The following TEX11 variants were observed in gnomAD, a reference collection of about 807,000 sequenced individuals.
TEX11 encodes testis expressed 11, also known as testis-expressed protein 11.
In TEX11, 7 loss-of-function variants were observed where a neutral mutation model predicts 84.4. The observed-to-expected ratio is 0.08, with a 90% CI of 0.05 to 0.16. The LOEUF is 0.16. TEX11 is among the 10% of genes least tolerant of loss of function. The probability of loss-of-function intolerance (pLI) is 1.00; values close to 1 mark genes in which losing one functional copy is unlikely to be tolerated. For missense variants in TEX11, 551 were observed against 660.5 expected, an observed-to-expected ratio of 0.83 and a Z score of 1.82; for synonymous variants, 264 against 222.8, an observed-to-expected ratio of 1.18 and a Z score of -1.64.
intron 9 of TEX11, among the ~76,000 whole-genome samples, chrX:70,766,815 A>G (rs2090943782): frequency 8.9e-6 from 1 of 111,763 alleles, no homozygotes; most frequent in Admixed American, 9.5e-5. Flanking sequence ...GATCCCAGAA[A>G]CAAATCCACA....
chrX:70,653,456 C>T (rs1399972016), intron 16 of TEX11, among the ~76,000 whole-genome samples: 1 of 112,086 alleles, frequency 8.9e-6, no homozygotes, highest in Non-Finnish European at 1.9e-5. Context: ...CATCTTATGT[C>T]ATTAGGGTTT....
intron 9 of TEX11, among the ~76,000 whole-genome samples, chrX:70,798,032 G>T (rs899462473): frequency 4.0e-5 from 4 of 99,347 alleles, no homozygotes; most frequent in East Asian, 3.1e-4. Flanking sequence ...GATGAGGGGG[G>T]GGGAAAGGCA....
At chrX:70,623,881 A>G (rs1332980110) in intron 20 of TEX11, 69 bp downstream of exon 20, 1 of 964,488 alleles carries the variant, frequency 1.0e-6, no homozygotes, top group Non-Finnish European at 1.4e-6. Context: ...CTCTGAATAT[A>G]TGATTTATAT....
intron 25 of TEX11, among the ~76,000 whole-genome samples, chrX:70,569,496 T>G (rs1402106584): frequency 9.0e-6 from 1 of 111,641 alleles, no homozygotes; most frequent in Non-Finnish European, 1.9e-5. Context: ...TTTTTAGAGT[T>G]TCCAGTTTTT....
rs2088190936 is a variant in TEX11 at position 70,549,884 on chromosome X, G to C, written c.2520+2242C>G. ...CTGGCTTCATCACCTGCTGACTGTA[G>C]AGCCCTAAGGCATTGAGCAAACATA... On this transcript the variant is annotated intron_variant, in intron 28 of 29. Transcript: ENST00000374333. Among the ~76,000 whole-genome samples the C allele has an allele frequency of 7.1e-5, 8 of 112,450 alleles. No individual in the cohort carries two copies. In the Admixed American group the frequency reaches 7.5e-4, roughly 11 times the overall value.
chrX:70,900,303 G>A (rs566568786), intron 2 of TEX11, among the ~76,000 whole-genome samples: 78 of 106,454 alleles, frequency 7.3e-4, no homozygotes, highest in Middle Eastern at 9.5e-3. Flanking sequence ...CCCGGGAGGC[G>A]GAGGTTGCAG....
rs753858274 is a variant in TEX11 at position 70,907,749 on chromosome X, G to A, written c.37+4C>T. ...ATTTTGTACTACCACGTAGAGCTAC[G>A]TACCTTTAAAGTCCATGGAAAAAAA... is the stretch of plus-strand genomic sequence containing the variant. On this transcript the variant is annotated splice_donor_region_variant and intron_variant, in intron 2 of 29. Transcript: ENST00000374333. 3.4e-6 allele frequency: 4 copies of A among 1,170,499 alleles called. No individual in the cohort carries two copies. Among genetic ancestry groups the A allele is most frequent in the Non-Finnish European group, 4.7e-6 (4 of 859,489 alleles).
intron 7 of TEX11, among the ~76,000 whole-genome samples, chrX:70,849,477 G>A (rs779704623): frequency 1.8e-5 from 2 of 111,927 alleles, no homozygotes; most frequent in African/African-American, 6.5e-5. Context: ...GTTCATAGAA[G>A]ATATTCCTTG....
chrX:70,693,740 A>G (rs1016569980), intron 13 of TEX11, among the ~76,000 whole-genome samples: 1 of 111,963 alleles, frequency 8.9e-6, no homozygotes, highest in Non-Finnish European at 1.9e-5. Flanking sequence ...TATATTATGT[A>G]CTGAAATTTG....
intron 28 of TEX11, among the ~76,000 whole-genome samples, chrX:70,547,162 T>C (rs1340318047): frequency 9.1e-6 from 1 of 110,168 alleles, no homozygotes; most frequent in African/African-American, 3.3e-5. Context: ...ATTTATATGA[T>C]GTGTCCAGAA....
rs144149425 is a variant in TEX11 at position 70,651,460 on chromosome X, G to C, written c.1473C>G (p.Asn491Lys). ...YIFKIAVIEG[N>K]SERALQAIIT... ...AAATAAAATTTATACCTCTTTCAGA[G>C]TTGCCCTCTATGACTGCAATCTTGA... The change falls in exon 17 of 30, where the codon AAC (asparagine) becomes AAG (lysine). Residue 491 changes from asparagine (N) to lysine (K), a missense_variant. Transcript: ENST00000374333. The C allele has an allele frequency of 8.4e-6, 10 of 1,189,917 alleles. No individual in the cohort carries two copies. The highest frequency in any genetic ancestry group is 1.1e-5 in the Non-Finnish European group (10 of 878,976).
chrX:70,596,212 T>G (rs1216379822), intron 24 of TEX11, among the ~76,000 whole-genome samples: 1 of 111,544 alleles, frequency 9.0e-6, no homozygotes, highest in Admixed American at 9.6e-5. Flanking sequence ...TAGCCCACTT[T>G]AAGTAATGAA....
chrX:70,774,386 A>G (rs1449713134), intron 9 of TEX11, among the ~76,000 whole-genome samples: 2 of 110,716 alleles, frequency 1.8e-5, no homozygotes, highest in Non-Finnish European at 3.8e-5. Context: ...CAGAGCAATC[A>G]GGCAAAAGAA....
chrX:70,586,573 G>T (rs2088855633), intron 25 of TEX11, among the ~76,000 whole-genome samples: 1 of 111,828 alleles, frequency 8.9e-6, no homozygotes, highest in Non-Finnish European at 1.9e-5. Flanking sequence ...CACATGAAAA[G>T]ATGCTCAACA....
At chrX:70,735,824 T>C (rs979344803) in intron 11 of TEX11, among the ~76,000 whole-genome samples, 1 of 112,021 alleles carries the variant, frequency 8.9e-6, no homozygotes, top group Non-Finnish European at 1.9e-5. Flanking sequence ...TGGTTTCTCA[T>C]TGTGCTTCTA....
chrX:70,826,001 A>T (rs2147826046), intron 8 of TEX11, among the ~76,000 whole-genome samples: 1 of 103,112 alleles, frequency 9.7e-6, no homozygotes, highest in East Asian at 3.1e-4. Flanking sequence ...ATAAATAAAT[A>T]ATCACCTTAT....
intron 17 of TEX11, among the ~76,000 whole-genome samples, chrX:70,635,549 G>C (rs1195132664): frequency 8.9e-6 from 1 of 112,439 alleles, no homozygotes; most frequent in African/African-American, 3.2e-5. Context: ...AACAGACTCA[G>C]GCTTTAGATG....
At chrX:70,639,450 T>G (rs948341302) in intron 17 of TEX11, among the ~76,000 whole-genome samples, 4 of 112,117 alleles carry the variant, frequency 3.6e-5, no homozygotes, top group African/African-American at 1.3e-4. Flanking sequence ...CTCTGTAGGC[T>G]CCACCTCTGG....
intron 25 of TEX11, among the ~76,000 whole-genome samples, chrX:70,564,637 T>C (rs1423407777): frequency 9.9e-6 from 1 of 100,846 alleles, no homozygotes; most frequent in Admixed American, 1.1e-4. Flanking sequence ...TCCCACCTAT[T>C]AGGGAGAACA....
Sources: gnomAD v4.1 joint callset for allele counts (sites outside exome capture counted in the v4.1 genomes callset) on GRCh38, gnomAD v4.1.1 for gene constraint, MANE v1.5 for transcripts, NCBI Gene and HGNC (gene_info 2026-07-23, HGNC 2026-07-21) for gene names.